The following FAH variants were observed in gnomAD, a reference collection of about 807,000 sequenced individuals.
The protein encoded by FAH is fumarylacetoacetase.
FAH carries 47 observed loss-of-function variants against 55.8 expected under a neutral mutation model. That is an observed-to-expected ratio of 0.84 (90% CI 0.67 to 1.07). The LOEUF is 1.07. Ranked by LOEUF, FAH falls within the 50% of genes least tolerant of loss-of-function variation. FAH has a pLI of 0.00. For missense variants in FAH, 495 were observed against 545.9 expected (o/e 0.91, Z 0.93); for synonymous variants, 199 against 207.7 (o/e 0.96, Z 0.36).
At chr15:80,182,387 C>T (rs1041392956) in intron 13 of FAH, among the ~76,000 whole-genome samples, 6 of 152,222 alleles carry the variant, frequency 3.9e-5, no homozygotes, top group African/African-American at 1.4e-4. Flanking sequence ...GTCCAAGTAG[C>T]AGCCACATAG....
rs528756502 is a variant in FAH at position 80,161,836 on chromosome 15, G to C, written c.365-410G>C. On this transcript the variant is annotated intron_variant, in intron 4 of 13. Coordinates refer to ENST00000561421, the MANE Select transcript of FAH (RefSeq NM_000137.4). ...AGCAGGGAGGGCTTCAGGGAGGAGC[G>C]GGCCTCAAAGAGTTGCCAGGATTTG... Among the ~76,000 whole-genome samples, 4 of 152,286 alleles carry C rather than the reference G, an allele frequency of 2.6e-5. No individual in the cohort carries two copies. The East Asian group carries it at 5.8e-4, about 22-fold the overall frequency.
intron 5 of FAH, chr15:80,163,435 C>T: frequency 6.6e-6 from 1 of 152,420 alleles, no homozygotes; most frequent in Non-Finnish European, 1.5e-5. Flanking sequence ...CACCTGTGTG[C>T]CAGGATCCCA....
At position 80,153,667 on chromosome 15, in the gene FAH, C is replaced by A. The variant is rs140888515; in HGVS notation, c.81+532C>A. ...AGTGTCTCTGCCTATAGCTGAAATT[C>A]TTTCAGCTCCTGGTGTGGGCTCCCT... is the stretch of plus-strand genomic sequence containing the variant. On this transcript the variant is annotated intron_variant, in intron 1 of 13. Transcript: ENST00000561421. Among the ~76,000 whole-genome samples, 469 of 152,348 alleles carry A rather than the reference C, an allele frequency of 3.1e-3. 2 individuals are homozygous for A. The highest frequency in any genetic ancestry group is 0.01 in the Middle Eastern group (3 of 294).
At chr15:80,166,635 CTTTT>C (rs768001652) in intron 5 of FAH, among the ~76,000 whole-genome samples, 3 of 118,334 alleles carry the variant, frequency 2.5e-5, no homozygotes, top group Non-Finnish European at 3.4e-5. Flanking sequence ...TTTGCATTTT[CTTTT>C]TTTTTTTTTT....
intron 12 of FAH, chr15:80,180,448 G>A (rs2041321586): frequency 1.8e-6 from 1 of 562,318 alleles, no homozygotes; most frequent in Non-Finnish European, 3.2e-6. Context: ...CTGGGTCTCT[G>A]CCTCTGTAGG....
rs558719287 is a variant in FAH at position 80,182,590 on chromosome 15, A to G, written c.1180+1431A>G. 7.2e-5 allele frequency among the ~76,000 whole-genome samples: 11 copies of G among 152,362 alleles called. No individual in the cohort carries two copies. In the South Asian group the frequency reaches 2.3e-3, roughly 32 times the overall value. ...TTTACTGAACATCTGCTAGGAGCCA[A>G]CCATATTGCAGGCATGTCCACCTTC... On this transcript the variant is annotated intron_variant, in intron 13 of 13. Transcript: ENST00000561421.
chr15:80,169,104 C>T lies in FAH; in HGVS notation c.606+788C>T, dbSNP rs138620826. On this transcript the variant is annotated intron_variant, in intron 7 of 13. Transcript: ENST00000561421. The stretch of plus-strand genomic sequence containing the variant: ...ACTTTATAAAAAATAATTACCTGGC[C>T]GGGTGTGGTGGCTCACACCTGTAAT... Among the ~76,000 whole-genome samples the T allele has an allele frequency of 1.2e-3, 181 of 152,200 alleles. 2 individuals are homozygous for T. The East Asian group carries it at 0.026, about 21-fold the overall frequency.
Position 80,162,270 on chromosome 15 carries a change from C to T in FAH, c.389C>T (p.Ser130Phe). The change falls in exon 5 of 14, where the codon TCT (serine) becomes TTT (phenylalanine). Residue 130 changes from serine to phenylalanine, a missense_variant. Ser to Phe is a radical substitution (Grantham distance 155). Transcript: ENST00000561421. ...TIGDYTDFYS[S>F]RQHATNVGIM... is the part of the protein sequence containing the mutation. ...GGAGACTACACAGACTTCTATTCCT[C>T]TCGGCAGCATGCTACCAACGTCGGA... 1 of 1,614,166 alleles carries T rather than the reference C, an allele frequency of 6.2e-7. No individual in the cohort carries two copies. Among genetic ancestry groups the T allele is most frequent in the South Asian group, 1.1e-5 (1 of 91,084 alleles).
intron 11 of FAH, among the ~76,000 whole-genome samples, chr15:80,178,349 A>G (rs930565153): frequency 2.6e-5 from 4 of 152,116 alleles, no homozygotes; most frequent in Non-Finnish European, 5.9e-5. Context: ...AGGTCACTTC[A>G]TCACTCCCTC....
At chr15:80,173,527 G>C in intron 9 of FAH, 1 of 364,964 alleles carries the variant, frequency 2.7e-6, no homozygotes, top group Admixed American at 3.8e-5. Flanking sequence ...CCAACTCATA[G>C]AATGCAGCTT....
chr15:80,177,617 A>G, intron 11 of FAH, 34 bp downstream of exon 11: 2 of 1,589,382 alleles, frequency 1.3e-6, no homozygotes, highest in Non-Finnish European at 1.7e-6. Context: ...TGCTTTTTAG[A>G]ATTGAGGGAA....
chr15:80,157,534 C>T (rs1202630930), intron 1 of FAH: 2 of 188,138 alleles, frequency 1.1e-5, no homozygotes, highest in African/African-American at 4.7e-5. Flanking sequence ...AGTCTGGCTT[C>T]CTGCAGCTCC....
At chr15:80,162,077 A>G (rs2041154169) in intron 4 of FAH, among the ~76,000 whole-genome samples, 169 bp from the exon 5 acceptor site, 1 of 152,304 alleles carries the variant, frequency 6.6e-6, no homozygotes, top group Admixed American at 6.5e-5. Flanking sequence ...ACAAATCTTC[A>G]GTGAGGATAT....
chr15:80,162,477 C>A, intron 5 of FAH, 141 bp downstream of exon 5: 2 of 752,996 alleles, frequency 2.7e-6, no homozygotes, highest in Non-Finnish European at 2.3e-6. Flanking sequence ...CCTCTGGAAG[C>A]AGTGGTCTCA....
chr15:80,175,181 G>T lies in FAH; in HGVS notation c.913+90G>T, dbSNP rs895621562. The stretch of plus-strand genomic sequence containing the variant: ...CTGAAGGCTCCTGAGCTTTGGCAAG[G>T]GTGAGGGCACGTGCTACAGCCCTGG... On this transcript the variant is annotated intron_variant, in intron 10 of 13. Coordinates refer to ENST00000561421, the MANE Select transcript of FAH (RefSeq NM_000137.4). 6.7e-6 allele frequency: 8 copies of T among 1,191,814 alleles called. No homozygotes were observed. The Admixed American group carries it at 1.2e-4, about 18-fold the overall frequency. 73.8% of individuals were successfully genotyped at this position (1,191,814 alleles called of 1,614,324 possible).
rs764243700 is a variant in FAH, at chr15:80,181,030, C to T, written c.1063-12C>T. ...ATTCATGTTATTCTTTCTTCCCTTTCCTGTGATGAAGGAGCCAGAAAACTT... is the reference window on the plus strand; with the variant it reads ...ATTCATGTTATTCTTTCTTCCCTTTTCTGTGATGAAGGAGCCAGAAAACTT... On this transcript the variant is annotated splice_polypyrimidine_tract_variant and intron_variant, in intron 12 of 13. Transcript: ENST00000561421. The T allele has an allele frequency of 9.4e-6, 15 of 1,599,886 alleles. No homozygotes were observed. In the South Asian group the frequency reaches 1.5e-4, roughly 16 times the overall value.
At chr15:80,161,031 G>C (rs2041144421) in intron 4 of FAH, among the ~76,000 whole-genome samples, 1 of 152,194 alleles carries the variant, frequency 6.6e-6, no homozygotes, top group Admixed American at 6.5e-5. Context: ...GGGGTACACT[G>C]CCTCTCTGGA....
rs2014531 is a variant in FAH at position 80,160,601 on chromosome 15, G to T, written c.364+142G>T. 53,999 of 777,176 alleles carry T rather than the reference G, an allele frequency of 0.069. 2,093 individuals are homozygous for T. Among genetic ancestry groups the T allele is most frequent in the South Asian group, 0.088 (6,161 of 70,248 alleles). The allele number at this position is 777,176 out of a possible 1,614,324, so 48.1% of individuals were successfully genotyped here. ...AGGAGGGGCTCTGGGGCTGTTACCC[G>T]CTCCTCATCACTGACCTTTCCCAGC... is the stretch of plus-strand genomic sequence containing the variant. On this transcript the variant is annotated intron_variant, in intron 4 of 13. Transcript: ENST00000561421.
At chr15:80,183,457 G>A (rs1196728116) in intron 13 of FAH, among the ~76,000 whole-genome samples, 2 of 152,220 alleles carry the variant, frequency 1.3e-5, no homozygotes, top group Non-Finnish European at 2.9e-5. Context: ...AAGGTTCCCC[G>A]CATTGGCGGA....
Sources: gnomAD v4.1 joint callset for allele counts (sites outside exome capture counted in the v4.1 genomes callset) on GRCh38, gnomAD v4.1.1 for gene constraint, MANE v1.5 for transcripts, NCBI Gene and HGNC (gene_info 2026-07-23, HGNC 2026-07-21) for gene names.